The following LRRK2 variants were observed in gnomAD, a reference collection of about 807,000 sequenced individuals.
LRRK2 encodes leucine rich repeat kinase 2, also known as leucine-rich repeat serine/threonine-protein kinase 2.
Under a neutral mutation model 302.6 loss-of-function variants are expected in LRRK2, and 203 were observed. The observed-to-expected ratio is 0.67, with a 90% CI of 0.60 to 0.75. The LOEUF is 0.75. Ranked by LOEUF, LRRK2 falls within the 30% of genes least tolerant of loss-of-function variation. The pLI is 0.00. For missense variants in LRRK2, 2,830 were observed against 2,951.0 expected, an observed-to-expected ratio of 0.96 and a Z score of 0.95; for synonymous variants, 1,066 against 1,031.9, an observed-to-expected ratio of 1.03 and a Z score of -0.63.
At chr12:40,283,537 C>T (rs1215006654) in intron 18 of LRRK2, among the ~76,000 whole-genome samples, 3 of 152,294 alleles carry the variant, frequency 2.0e-5, no homozygotes, top group Admixed American at 1.3e-4. Flanking sequence ...AGTGAGAAGA[C>T]AGAAGCTCAG....
intron 28 of LRRK2, among the ~76,000 whole-genome samples, chr12:40,307,558 A>G (rs1195034242): frequency 6.6e-6 from 1 of 151,908 alleles, no homozygotes; most frequent in Non-Finnish European, 1.5e-5. Context: ...TGATCTCACT[A>G]TCCATATATA....
intron 11 of LRRK2, among the ~76,000 whole-genome samples, 174 bp downstream of exon 11, chr12:40,253,190 G>A (rs1942356121): frequency 6.6e-6 from 1 of 152,066 alleles, no homozygotes; most frequent in Admixed American, 6.6e-5. Context: ...TAGGTAAAAG[G>A]ATGAAGAATA....
chr12:40,365,693 G>T (rs972776867), intron 49 of LRRK2: 68 of 151,792 alleles, frequency 4.5e-4, no homozygotes, highest in African/African-American at 1.6e-3. Context: ...GACACTATGG[G>T]GTTTAATTCT....
In LRRK2 at chr12:40,315,193, T is replaced by C; in HGVS notation, c.4739-19T>C. 3 of 1,590,128 alleles carry C rather than the reference T, an allele frequency of 1.9e-6. No homozygotes were observed. The highest frequency in any genetic ancestry group is 2.2e-5 in the South Asian group (2 of 90,622). ...GTTCTAGATTCCATGTTTCACTGTT[T>C]GATGACTTTTTACTACAGGAGTCCT... On this transcript the variant is annotated intron_variant, in intron 32 of 50. Coordinates refer to ENST00000298910, the MANE Select transcript of LRRK2 (RefSeq NM_198578.4).
At chr12:40,289,288 C>T (rs1327450128) in intron 20 of LRRK2, among the ~76,000 whole-genome samples, 1 of 151,470 alleles carries the variant, frequency 6.6e-6, no homozygotes, top group African/African-American at 2.4e-5. Context: ...ATGCCAATAC[C>T]ACACTGTCTT....
rs147833072 is a variant in LRRK2, at chr12:40,344,775, C to T, written c.6110-1978C>T. Among the ~76,000 whole-genome samples the T allele has an allele frequency of 1.5e-4, 23 of 151,914 alleles. No individual in the cohort carries two copies. In the East Asian group the frequency reaches 4.2e-3, roughly 28 times the overall value. ...ATATTATGGTTATATAGGAAAATGC[C>T]CTTATTCTAAGGAAATGTATAATAT... On this transcript the variant is annotated intron_variant, in intron 41 of 50. Transcript: ENST00000298910.
chr12:40,249,728 A>T, intron 7 of LRRK2, 98 bp from the exon 8 acceptor site: 6 of 1,352,736 alleles, frequency 4.4e-6, no homozygotes, highest in Non-Finnish European at 6.3e-6. Context: ...TTGAATATTC[A>T]TCACCATTCA....
intron 33 of LRRK2, chr12:40,316,434 T>G (rs1945224194): frequency 1.6e-6 from 1 of 632,574 alleles, no homozygotes; most frequent in African/African-American, 2.0e-5. Context: ...TTTTCAGCCT[T>G]CTGCACATAT....
At chr12:40,367,215 G>T in intron 50 of LRRK2, 138 bp downstream of exon 50, 2 of 714,904 alleles carry the variant, frequency 2.8e-6, no homozygotes, top group South Asian at 1.9e-5. Context: ...ATAGTGTAAA[G>T]AACTTAGACA....
At chr12:40,344,815 C>T (rs1180138677) in intron 41 of LRRK2, among the ~76,000 whole-genome samples, 1 of 152,018 alleles carries the variant, frequency 6.6e-6, no homozygotes, top group Non-Finnish European at 1.5e-5. Context: ...AGGTCTGAAA[C>T]ATTGTATCTG....
intron 18 of LRRK2, among the ~76,000 whole-genome samples, chr12:40,283,628 C>A (rs1213174249): frequency 6.6e-6 from 1 of 152,148 alleles, no homozygotes. Context: ...GCTTTGTCTC[C>A]ATATAATGTT....
At chr12:40,291,926 A>T (rs905536713) in intron 20 of LRRK2, among the ~76,000 whole-genome samples, 2 of 152,094 alleles carry the variant, frequency 1.3e-5, no homozygotes, top group African/African-American at 4.8e-5. Context: ...GACTATATAT[A>T]AAAATAATTT....
chr12:40,265,944 G>A (rs1942991684), intron 14 of LRRK2, among the ~76,000 whole-genome samples: 1 of 152,136 alleles, frequency 6.6e-6, no homozygotes. Flanking sequence ...AAACTGGCTA[G>A]CCATATGTAG....
chr12:40,361,400 A>C (rs915106282), intron 47 of LRRK2, among the ~76,000 whole-genome samples: 48 of 152,214 alleles, frequency 3.2e-4, no homozygotes, highest in African/African-American at 1.0e-3. Flanking sequence ...GGTTTGTTAC[A>C]AAAGTATAGT....
At chr12:40,318,532 C>G (rs369659812) in intron 33 of LRRK2, among the ~76,000 whole-genome samples, 57 of 152,060 alleles carry the variant, frequency 3.7e-4, no homozygotes, top group East Asian at 2.5e-3. Flanking sequence ...AATTGATTGA[C>G]AGAGAGGTTG....
In LRRK2 at chr12:40,301,359, G is replaced by A. The variant is rs185011133; in HGVS notation, c.3497-1430G>A. On this transcript the variant is annotated intron_variant, in intron 25 of 50. Transcript: ENST00000298910. ...GAATCGCTTGAACCAGGGAGTCAGA[G>A]GTTGCAGTGAGTGGAGATCAGGCCA... Among the ~76,000 whole-genome samples, 186 of 152,226 alleles carry A rather than the reference G, an allele frequency of 1.2e-3. 1 individual carries two copies. The highest frequency in any genetic ancestry group is 4.0e-3 in the African/African-American group (166 of 41,532).
chr12:40,276,991 T>C (rs1325234339), intron 16 of LRRK2, among the ~76,000 whole-genome samples: 1 of 151,924 alleles, frequency 6.6e-6, no homozygotes, highest in Non-Finnish European at 1.5e-5. Context: ...GGACTACAGG[T>C]GCATGCACGG....
intron 45 of LRRK2, among the ~76,000 whole-genome samples, chr12:40,354,849 T>A (rs200952878): frequency 6.1e-3 from 59 of 9,670 alleles, no homozygotes; most frequent in African/African-American, 9.8e-3. Context: ...AAAAAATATA[T>A]ATATATATAT....
chr12:40,253,643 C>T (rs908701103), intron 11 of LRRK2, among the ~76,000 whole-genome samples: 4 of 152,210 alleles, frequency 2.6e-5, no homozygotes. Flanking sequence ...CTCCCAAGTG[C>T]TGGGATTACA....
Sources: gnomAD v4.1 joint callset for allele counts (sites outside exome capture counted in the v4.1 genomes callset) on GRCh38, gnomAD v4.1.1 for gene constraint, MANE v1.5 for transcripts, NCBI Gene and HGNC (gene_info 2026-07-23, HGNC 2026-07-21) for gene names.